Variants in TUSC3 observed in about 807,000 individuals in gnomAD.
TUSC3 encodes tumor suppressor candidate 3.
Under a neutral mutation model 44.8 loss-of-function variants are expected in TUSC3, and 45 were observed. The ratio of observed to expected loss-of-function variants is 1.00; its 90% confidence interval spans 0.79 to 1.29. The LOEUF is 1.29. Among genes scored for constraint, TUSC3 ranks in the 50% most tolerant of loss-of-function variants. TUSC3 has a pLI of 0.00. For missense variants in TUSC3, 519 were observed against 437.9 expected (o/e 1.19, Z -1.65); for synonymous variants, 212 against 152.9 (o/e 1.39, Z -2.85).
Position 15,676,776 on chromosome 8 carries a change from G to C in TUSC3, c.798+2940G>C, listed in dbSNP as rs541683620. Among the ~76,000 whole-genome samples the C allele has an allele frequency of 7.1e-4, 108 of 152,298 alleles. 1 individual carries two copies. The highest frequency in any genetic ancestry group is 5.7e-4 in the Non-Finnish European group (39 of 68,024). ...AGCTCCAAATATCAGAGTATTGAAA[G>C]TGAGAAGCCTAGAGAAACTTAGATG... On this transcript the variant is annotated intron_variant, in intron 6 of 10. Transcript: ENST00000503731.
At chr8:15,448,563 A>C (rs1361454693) in intron 1 of TUSC3, among the ~76,000 whole-genome samples, 1 of 152,184 alleles carries the variant, frequency 6.6e-6, no homozygotes, top group Non-Finnish European at 1.5e-5. Context: ...AGATGTAAAA[A>C]GTGTATGATG....
chr8:15,419,646 A>C (rs1343359056), intron 1 of TUSC3, among the ~76,000 whole-genome samples: 2 of 152,206 alleles, frequency 1.3e-5, no homozygotes, highest in African/African-American at 4.8e-5. Flanking sequence ...ACAAATGTCA[A>C]AGGTGTTCAT....
chr8:15,446,034 C>A (rs1275307182), intron 1 of TUSC3, among the ~76,000 whole-genome samples: 1 of 151,888 alleles, frequency 6.6e-6, no homozygotes, highest in Non-Finnish European at 1.5e-5. Context: ...GGCGGAGGGG[C>A]TCCTCACTTC....
intron 1 of TUSC3, among the ~76,000 whole-genome samples, chr8:15,566,701 C>T (rs1473665562): frequency 6.6e-6 from 1 of 151,744 alleles, no homozygotes; most frequent in Non-Finnish European, 1.5e-5. Flanking sequence ...CTCACGACAG[C>T]CACAACCAAC....
At chr8:15,810,001 C>A in the TUSC3 span, among the ~76,000 whole-genome samples, 3 of 152,184 alleles carry the variant, frequency 2.0e-5, no homozygotes, top group African/African-American at 7.2e-5. Context: ...CTGAGACAGA[C>A]AGAGATTCTG....
chr8:15,496,151 C>T (rs1468729361), intron 2 of TUSC3, among the ~76,000 whole-genome samples: 4 of 152,144 alleles, frequency 2.6e-5, no homozygotes, highest in African/African-American at 2.4e-5. Context: ...ATGTTCTATA[C>T]GTCCTTGATA....
intron 2 of TUSC3, among the ~76,000 whole-genome samples, chr8:15,506,868 C>A (rs1801058997): frequency 6.6e-6 from 1 of 152,166 alleles, no homozygotes; most frequent in South Asian, 2.1e-4. Context: ...GGAATGCATG[C>A]TCAGAGAAGC....
the TUSC3 span, among the ~76,000 whole-genome samples, chr8:15,818,532 A>G: frequency 6.6e-6 from 1 of 152,214 alleles, no homozygotes; most frequent in Non-Finnish European, 1.5e-5. Context: ...CAGCCACTGC[A>G]TTAGACAGGT....
intron 1 of TUSC3, among the ~76,000 whole-genome samples, chr8:15,466,693 C>T (rs908254630): frequency 1.3e-5 from 2 of 152,048 alleles, no homozygotes; most frequent in Non-Finnish European, 2.9e-5. Context: ...GGAAAAGGTT[C>T]TTTGAGATTT....
At chr8:15,607,692 TTCTG>T (rs1804591710) in intron 1 of TUSC3, among the ~76,000 whole-genome samples, 1 of 152,184 alleles carries the variant, frequency 6.6e-6, no homozygotes, top group African/African-American at 2.4e-5. Flanking sequence ...TCAGCAATCA[TTCTG>T]TCTTTTTAAA....
At chr8:15,767,175 T>G (rs192724335), downstream of TUSC3, among the ~76,000 whole-genome samples, 4 of 152,186 alleles carry the variant, frequency 2.6e-5, no homozygotes, top group Admixed American at 2.6e-4. Context: ...ATGATATAAT[T>G]CACGAGCATC....
In TUSC3 at chr8:15,462,218, A is replaced by G. The variant is rs554870480; in HGVS notation, n.92-21168A>G. Among the ~76,000 whole-genome samples the G allele has an allele frequency of 4.6e-5, 7 of 152,220 alleles. No individual in the cohort carries two copies. In the South Asian group the frequency reaches 8.3e-4, roughly 18 times the overall value. On this transcript the variant is annotated intron_variant and non_coding_transcript_variant, in intron 1 of 5. Coordinates refer to the TUSC3 transcript ENST00000503191. The stretch of plus-strand genomic sequence containing the variant: ...CTGAGCACTTTGCAGGTCATAAATC[A>G]TGTAATCATCACCATTCTATGTGGC...
At chr8:15,629,559 T>G (rs905579821) in intron 2 of TUSC3, among the ~76,000 whole-genome samples, 2 of 151,118 alleles carry the variant, frequency 1.3e-5, no homozygotes, top group African/African-American at 4.9e-5. Flanking sequence ...TCTTGTTTTT[T>G]TTTTTTTTTT....
chr8:15,656,570 C>T (rs572709049), intron 3 of TUSC3, among the ~76,000 whole-genome samples: 2 of 152,150 alleles, frequency 1.3e-5, no homozygotes, highest in Non-Finnish European at 1.5e-5. Context: ...AAGGTTGAAC[C>T]CTCAAGGCCT....
intron 2 of TUSC3, among the ~76,000 whole-genome samples, chr8:15,624,675 G>A (rs1313538319): frequency 6.6e-6 from 1 of 152,004 alleles, no homozygotes; most frequent in Admixed American, 6.6e-5. Flanking sequence ...AGTTTTGAGG[G>A]TTCTTCATAT....
intron 6 of TUSC3, among the ~76,000 whole-genome samples, chr8:15,692,369 C>T (rs865822304): frequency 1.1e-4 from 6 of 52,568 alleles, no homozygotes; most frequent in African/African-American, 4.0e-4. Flanking sequence ...CCCCCCCCCC[C>T]CCTTTGTTTT....
intron 1 of TUSC3, among the ~76,000 whole-genome samples, chr8:15,609,235 C>G (rs972087925): frequency 3.9e-5 from 6 of 152,104 alleles, no homozygotes; most frequent in African/African-American, 1.4e-4. Context: ...AGCTGTGACA[C>G]ATAATATGTG....
At chr8:15,843,600 A>G in the TUSC3 span, among the ~76,000 whole-genome samples, 2 of 138,894 alleles carry the variant, frequency 1.4e-5, no homozygotes, top group Non-Finnish European at 1.5e-5. Flanking sequence ...GTACATATAT[A>G]TATATATATA....
rs1232542954 is a variant in TUSC3, at chr8:15,765,935, CAG to C, written c.*1781_*1782del. 1 of 152,016 alleles carries C rather than the reference CAG, an allele frequency of 6.6e-6. No individual in the cohort carries two copies. The highest frequency in any genetic ancestry group is 2.4e-5 in the African/African-American group (1 of 41,424). 9.4% of individuals were successfully genotyped at this position (152,016 alleles called of 1,614,324 possible). On this transcript the variant is annotated 3_prime_UTR_variant, in exon 11 of 11. Coordinates refer to ENST00000503731, the MANE Select transcript of TUSC3 (RefSeq NM_006765.4). ...CACTTTTGTTTGTATCCTTAAATCT[CAG>C]AATTATCTTGCAGTTAATATGCAGC... is the stretch of plus-strand genomic sequence containing the variant.
Sources: gnomAD v4.1 joint callset for allele counts (sites outside exome capture counted in the v4.1 genomes callset) on GRCh38, gnomAD v4.1.1 for gene constraint, MANE v1.5 for transcripts, NCBI Gene and HGNC (gene_info 2026-07-23, HGNC 2026-07-21) for gene names.